Variants in CAMK2D observed in about 807,000 individuals in gnomAD.
CAMK2D encodes calcium/calmodulin dependent protein kinase II delta.
A neutral mutation model predicts 84.0 loss-of-function variants in CAMK2D; 37 were observed. The observed-to-expected ratio is 0.44, with a 90% CI of 0.34 to 0.58. The LOEUF (loss-of-function observed/expected upper bound fraction) is 0.58, where lower values mean the gene tolerates loss of function less well. Ranked by LOEUF, CAMK2D falls within the 20% of genes least tolerant of loss-of-function variation. The probability of loss-of-function intolerance (pLI) is 0.02; values close to 1 mark genes in which losing one functional copy is unlikely to be tolerated. For missense variants in CAMK2D, 448 were observed against 652.5 expected (o/e 0.69, Z 3.41); for synonymous variants, 202 against 212.5 (o/e 0.95, Z 0.43).
At chr4:113,507,697 T>C (rs1274692021) in intron 13 of CAMK2D, among the ~76,000 whole-genome samples, 8 of 152,206 alleles carry the variant, frequency 5.3e-5, no homozygotes, top group Admixed American at 5.2e-4. Flanking sequence ...AATTGTATGA[T>C]GCACTGAATT....
intron 16 of CAMK2D, among the ~76,000 whole-genome samples, chr4:113,496,102 C>T (rs754058384): frequency 1.2e-4 from 19 of 152,186 alleles, no homozygotes; most frequent in Non-Finnish European, 2.4e-4. Flanking sequence ...AACCAAAGGA[C>T]GGTCTTCACA....
intron 4 of CAMK2D, among the ~76,000 whole-genome samples, chr4:113,591,683 C>T (rs748982540): frequency 1.3e-5 from 2 of 152,190 alleles, no homozygotes; most frequent in African/African-American, 2.4e-5. Flanking sequence ...AGAGCCTTAC[C>T]GTGCTCTCCT....
chr4:113,643,651 C>T (rs1050410329), intron 3 of CAMK2D, among the ~76,000 whole-genome samples: 3 of 152,264 alleles, frequency 2.0e-5, no homozygotes, highest in African/African-American at 7.2e-5. Context: ...GAGAGTAGGT[C>T]AGTATCTCCC....
chr4:113,601,358 T>C (rs1441282993), intron 4 of CAMK2D, among the ~76,000 whole-genome samples: 2 of 151,958 alleles, frequency 1.3e-5, no homozygotes, highest in Admixed American at 1.3e-4. Flanking sequence ...CCTTAAAAAA[T>C]ATAACAAAAT....
intron 6 of CAMK2D, 69 bp from the exon 7 acceptor site, chr4:113,537,512 A>G: frequency 1.1e-6 from 1 of 905,360 alleles, no homozygotes; most frequent in South Asian, 1.4e-5. Flanking sequence ...CAAAACTAAC[A>G]ACATTTTACA....
At chr4:113,468,342 G>A (rs944922938) in intron 16 of CAMK2D, among the ~76,000 whole-genome samples, 1 of 152,120 alleles carries the variant, frequency 6.6e-6, no homozygotes, top group African/African-American at 2.4e-5. Flanking sequence ...CAACAAATGG[G>A]AATTAGCCAG....
intron 19 of CAMK2D, chr4:113,457,050 T>C: frequency 2.1e-6 from 1 of 466,210 alleles, no homozygotes; most frequent in Non-Finnish European, 3.3e-6. Context: ...TTTGCCTTAT[T>C]ATACAAGTCC....
intron 12 of CAMK2D, among the ~76,000 whole-genome samples, chr4:113,512,822 C>G (rs192825510): frequency 2.5e-4 from 38 of 152,306 alleles, no homozygotes; most frequent in Non-Finnish European, 4.3e-4. Context: ...CCACCTGCCT[C>G]GGCCTCCCAA....
intron 3 of CAMK2D, among the ~76,000 whole-genome samples, chr4:113,621,437 G>T (rs567717537): frequency 2.7e-4 from 41 of 152,170 alleles, no homozygotes; most frequent in African/African-American, 9.4e-4. Context: ...AAACTATTTT[G>T]TCAAACTGTC....
intron 4 of CAMK2D, among the ~76,000 whole-genome samples, chr4:113,559,968 G>T (rs1478414953): frequency 1.3e-5 from 2 of 152,148 alleles, no homozygotes; most frequent in Non-Finnish European, 2.9e-5. Context: ...GGTTTTCCAG[G>T]TTCTGGAACA....
chr4:113,750,465 T>C (rs753395661), intron 2 of CAMK2D, among the ~76,000 whole-genome samples: 11 of 152,162 alleles, frequency 7.2e-5, no homozygotes, highest in Non-Finnish European at 1.5e-4. Flanking sequence ...TGTTTCTGCA[T>C]GCTCTCAAAA....
At chr4:113,603,793 A>G (rs1591802572) in intron 4 of CAMK2D, among the ~76,000 whole-genome samples, 1 of 144,248 alleles carries the variant, frequency 6.9e-6, no homozygotes, top group Non-Finnish European at 1.5e-5. Context: ...ATATATATAT[A>G]TATATATATT....
At chr4:113,639,482 G>A (rs1006216235) in intron 3 of CAMK2D, among the ~76,000 whole-genome samples, 3 of 151,916 alleles carry the variant, frequency 2.0e-5, no homozygotes, top group Non-Finnish European at 4.4e-5. Flanking sequence ...GCCTGCATAG[G>A]GCCACTGTGC....
intron 2 of CAMK2D, among the ~76,000 whole-genome samples, chr4:113,698,896 A>G (rs956688274): frequency 3.9e-5 from 6 of 152,228 alleles, no homozygotes; most frequent in African/African-American, 1.4e-4. Context: ...GAAATTAAGG[A>G]CGCCAGGGGT....
At chr4:113,477,897 T>A (rs2097650535) in intron 16 of CAMK2D, among the ~76,000 whole-genome samples, 1 of 152,198 alleles carries the variant, frequency 6.6e-6, no homozygotes, top group South Asian at 2.1e-4. Context: ...TATTCCAACA[T>A]GTATTATAAA....
chr4:113,498,290 C>T (rs2097971888), intron 16 of CAMK2D, among the ~76,000 whole-genome samples: 2 of 152,140 alleles, frequency 1.3e-5, no homozygotes, highest in Non-Finnish European at 2.9e-5. Context: ...TTTAAAATCA[C>T]TTAAGACCAT....
chr4:113,455,734 T>C lies in CAMK2D; in HGVS notation c.*21A>G, dbSNP rs1371711388. 5.0e-6 allele frequency: 8 copies of C among 1,591,416 alleles called. No individual in the cohort carries two copies. The Admixed American group carries it at 1.2e-4, about 23-fold the overall frequency. Reference sequence around the variant, plus strand: ...AGCAGGATGTTACTTACAAGACCCATATGTGAATGGTTTTCAGGCCTTAGA... The same window carrying C: ...AGCAGGATGTTACTTACAAGACCCACATGTGAATGGTTTTCAGGCCTTAGA... On this transcript the variant is annotated 3_prime_UTR_variant, in exon 20 of 21. Transcript: ENST00000511664.
At chr4:113,741,641 CAG>C (rs1489632161) in intron 2 of CAMK2D, among the ~76,000 whole-genome samples, 1 of 152,112 alleles carries the variant, frequency 6.6e-6, no homozygotes, top group African/African-American at 2.4e-5. Flanking sequence ...ACATGGCAGC[CAG>C]AGAGATATTT....
intron 16 of CAMK2D, among the ~76,000 whole-genome samples, chr4:113,483,077 GTAC>G (rs2097721087): frequency 6.6e-6 from 1 of 152,178 alleles, no homozygotes; most frequent in South Asian, 2.1e-4. Context: ...ATCCACTCAT[GTAC>G]TCTGGAAGAA....
Sources: gnomAD v4.1 joint callset for allele counts (sites outside exome capture counted in the v4.1 genomes callset) on GRCh38, gnomAD v4.1.1 for gene constraint, MANE v1.5 for transcripts, NCBI Gene and HGNC (gene_info 2026-07-23, HGNC 2026-07-21) for gene names.